The following KCNMA1 variants were observed in gnomAD, a reference collection of about 807,000 sequenced individuals.
The protein encoded by KCNMA1 is potassium calcium-activated channel subfamily M alpha 1, also known as Calcium-activated potassium channel subunit alpha-1.
In KCNMA1, 29 loss-of-function variants were observed where a neutral mutation model predicts 140.0. The observed-to-expected ratio is 0.21, with a 90% CI of 0.15 to 0.28. The LOEUF (loss-of-function observed/expected upper bound fraction) is 0.28. Among genes scored for constraint, KCNMA1 ranks in the 10% least tolerant of loss-of-function variants. The pLI, the probability that KCNMA1 is intolerant of heterozygous loss-of-function variation, is 1.00. For missense variants in KCNMA1, 880 were observed against 1,602.2 expected (o/e 0.55, Z 7.70); for synonymous variants, 612 against 611.9 (o/e 1.00, Z 0.00).
In KCNMA1 at chr10:77,090,675, A is replaced by T. The variant is rs61586527; in HGVS notation, c.1224-165T>A. 4,433 of 649,260 alleles carry T rather than the reference A, an allele frequency of 6.8e-3. 137 individuals are homozygous for T. The African/African-American group carries it at 0.069, about 10-fold the overall frequency. 40.2% of individuals were successfully genotyped at this position (649,260 alleles called of 1,614,324 possible). A position where few individuals can be genotyped will look rare whatever the true frequency, so the allele number is the denominator to read the frequency against. On this transcript the variant is annotated intron_variant, in intron 9 of 27. Transcript: ENST00000286628. ...CCATCCCCAGAGGGCAGTGAGGCAAAGCAGCGGTGCTAGCAGGTGCTGAGA... is the reference window on the plus strand; with the variant it reads ...CCATCCCCAGAGGGCAGTGAGGCAATGCAGCGGTGCTAGCAGGTGCTGAGA...
At chr10:77,361,927 G>C (rs2093983688) in intron 2 of KCNMA1, among the ~76,000 whole-genome samples, 1 of 152,216 alleles carries the variant, frequency 6.6e-6, no homozygotes, top group South Asian at 2.1e-4. Context: ...TATGGGCTCA[G>C]GAACTGCCAT....
chr10:77,025,281 T>TATATACATATAC (rs1394239548), intron 16 of KCNMA1, among the ~76,000 whole-genome samples: 5 of 122,314 alleles, frequency 4.1e-5, no homozygotes, highest in Admixed American at 8.5e-5. Context: ...TATATATATA[T>TATATACATATAC]ACACACACAC....
chr10:77,344,945 T>C (rs1457525), intron 2 of KCNMA1, among the ~76,000 whole-genome samples: 128,427 of 152,100 alleles, frequency 0.84, 54,441 homozygotes, highest in African/African-American at 0.91. Flanking sequence ...ATAACAATCA[T>C]GTGTTAGTCT....
At position 77,321,574 on chromosome 10, in the gene KCNMA1, T is replaced by C. The variant is rs542979024; in HGVS notation, c.541-70318A>G. ...AGAACAAGAAGAGATTTACAAGCTG[T>C]GTGCATTTAAATTAATATTTTTAAA... On this transcript the variant is annotated intron_variant, in intron 2 of 27. Transcript: ENST00000286628. 2.0e-5 allele frequency among the ~76,000 whole-genome samples: 3 copies of C among 152,350 alleles called. No individual in the cohort carries two copies. In the South Asian group the frequency reaches 6.2e-4, roughly 32 times the overall value.
chr10:76,949,374 A>C lies in KCNMA1; in HGVS notation c.2485-8T>G. On this transcript the variant is annotated splice_polypyrimidine_tract_variant and splice_region_variant and intron_variant, in intron 21 of 27. Transcript: ENST00000286628. ...GGCAGCTTCACTTCGAGTCTACAAC[A>C]GGGAGAAGTGGGTAAGAGTCAGAGA... is the stretch of plus-strand genomic sequence containing the variant. 2 of 1,610,138 alleles carry C rather than the reference A, an allele frequency of 1.2e-6. No homozygotes were observed. The highest frequency in any genetic ancestry group is 8.5e-7 in the Non-Finnish European group (1 of 1,176,842).
intron 19 of KCNMA1, among the ~76,000 whole-genome samples, chr10:76,973,729 C>T (rs996606835): frequency 3.3e-5 from 5 of 152,142 alleles, no homozygotes; most frequent in Admixed American, 2.0e-4. Flanking sequence ...GAACTCTGGG[C>T]TTACTTCAAA....
At chr10:77,403,546 C>T (rs1178717649) in intron 2 of KCNMA1, among the ~76,000 whole-genome samples, 3 of 152,152 alleles carry the variant, frequency 2.0e-5, no homozygotes, top group Admixed American at 6.5e-5. Flanking sequence ...ATTTCCTTAA[C>T]CCTCTTCTCC....
intron 14 of KCNMA1, among the ~76,000 whole-genome samples, chr10:77,047,890 G>A (rs548888043): frequency 1.3e-5 from 2 of 152,102 alleles, no homozygotes; most frequent in South Asian, 4.1e-4. Flanking sequence ...GTTCAGCTTC[G>A]TATGCAGGGT....
intron 1 of KCNMA1, among the ~76,000 whole-genome samples, chr10:77,467,193 C>T (rs1029840531): frequency 2.6e-5 from 4 of 152,190 alleles, no homozygotes; most frequent in African/African-American, 9.7e-5. Flanking sequence ...AAAACTCTTA[C>T]ATTGCAGCTG....
intron 19 of KCNMA1, chr10:76,974,239 C>G (rs2076859285): frequency 2.2e-6 from 1 of 460,104 alleles, no homozygotes; most frequent in Admixed American, 3.9e-5. Context: ...ACAAAGGCAT[C>G]TAGCTAACAG....
intron 17 of KCNMA1, among the ~76,000 whole-genome samples, chr10:77,015,336 C>T (rs1178229659): frequency 2.6e-5 from 4 of 152,202 alleles, no homozygotes; most frequent in Non-Finnish European, 4.4e-5. Context: ...CTCCTGATAG[C>T]CCTCCTTCCC....
intron 18 of KCNMA1, among the ~76,000 whole-genome samples, chr10:77,005,856 T>C (rs551761457): frequency 1.3e-5 from 2 of 152,358 alleles, no homozygotes; most frequent in East Asian, 3.9e-4. Context: ...TTGTTTACTC[T>C]TGAGTGTTTA....
intron 2 of KCNMA1, among the ~76,000 whole-genome samples, chr10:77,380,904 A>G (rs1418197997): frequency 6.6e-6 from 1 of 152,208 alleles, no homozygotes; most frequent in Non-Finnish European, 1.5e-5. Context: ...CCATTTCCAA[A>G]GAGAAAGTGC....
At chr10:77,310,220 C>A (rs1404967538) in intron 2 of KCNMA1, among the ~76,000 whole-genome samples, 1 of 152,182 alleles carries the variant, frequency 6.6e-6, no homozygotes, top group Non-Finnish European at 1.5e-5. Flanking sequence ...AATATTGAAA[C>A]CTTTTGTACC....
intron 1 of KCNMA1, among the ~76,000 whole-genome samples, chr10:77,416,523 G>A (rs2096745311): frequency 6.6e-6 from 1 of 152,234 alleles, no homozygotes; most frequent in African/African-American, 2.4e-5. Flanking sequence ...TAGCAGATAG[G>A]ATGAATTGTT....
At chr10:77,037,294 C>A (rs1000643021) in intron 15 of KCNMA1, among the ~76,000 whole-genome samples, 2 of 152,200 alleles carry the variant, frequency 1.3e-5, no homozygotes, top group African/African-American at 4.8e-5. Context: ...AACTACATGA[C>A]TATACTAACC....
At chr10:77,634,252 A>C in intron 1 of KCNMA1, 1 of 985,454 alleles carries the variant, frequency 1.0e-6, no homozygotes, top group Non-Finnish European at 1.2e-6. Flanking sequence ...AAAAACAATA[A>C]TGTGAAAAAG....
At chr10:77,233,368 C>T (rs887908036) in intron 3 of KCNMA1, among the ~76,000 whole-genome samples, 1 of 152,174 alleles carries the variant, frequency 6.6e-6, no homozygotes, top group Non-Finnish European at 1.5e-5. Context: ...GGTCCTTGTG[C>T]AGTACTCAGG....
At chr10:77,101,853 G>A (rs1165144638) in intron 9 of KCNMA1, among the ~76,000 whole-genome samples, 3 of 152,186 alleles carry the variant, frequency 2.0e-5, no homozygotes, top group African/African-American at 4.8e-5. Context: ...CCTGTGGATC[G>A]GCCCAAGTCA....
Sources: allele counts gnomAD v4.1 joint callset (sites outside exome capture counted in the v4.1 genomes callset), GRCh38; gene constraint gnomAD v4.1.1; transcripts MANE v1.5; gene names NCBI Gene and HGNC (gene_info 2026-07-23, HGNC 2026-07-21).